MFHAS1: variants seen among roughly 807,000 people sequenced by gnomAD.
MFHAS1 encodes multifunctional ROCO family signaling regulator 1, also known as malignant fibrous histiocytoma-amplified sequence 1.
MFHAS1 carries 50 observed loss-of-function variants against 70.4 expected under a neutral mutation model. That is an observed-to-expected ratio of 0.71 (90% CI 0.57 to 0.90). The LOEUF (loss-of-function observed/expected upper bound fraction) is 0.90. MFHAS1 is among the 40% of genes least tolerant of loss of function. The pLI is 0.00. For missense variants in MFHAS1, 1,795 were observed against 1,347.6 expected (o/e 1.33, Z -5.20); for synonymous variants, 952 against 620.0 (o/e 1.54, Z -7.96).
intron 1 of MFHAS1, among the ~76,000 whole-genome samples, chr8:8,831,001 C>T (rs922708574): frequency 1.3e-5 from 2 of 152,276 alleles, no homozygotes; most frequent in South Asian, 2.1e-4. Flanking sequence ...GTTTAAACTA[C>T]AGAAATGTAG....
At chr8:8,835,420 G>T (rs748249839) in intron 1 of MFHAS1, among the ~76,000 whole-genome samples, 6 of 152,116 alleles carry the variant, frequency 3.9e-5, no homozygotes, top group African/African-American at 1.4e-4. Context: ...AGAGTTACGA[G>T]ATACCCATCA....
Position 8,893,122 on chromosome 8 carries a change from GC to G in MFHAS1, c.-65del, listed in dbSNP as rs1164484593. 1 of 1,223,834 alleles carries G rather than the reference GC, an allele frequency of 8.2e-7. No individual in the cohort carries two copies. Among genetic ancestry groups the G allele is most frequent in the Middle Eastern group, 2.9e-4 (1 of 3,424 alleles). 75.8% of individuals were successfully genotyped at this position (1,223,834 alleles called of 1,614,324 possible). On this transcript the variant is annotated 5_prime_UTR_variant, in exon 1 of 3. Coordinates refer to ENST00000276282, the MANE Select transcript of MFHAS1 (RefSeq NM_004225.3). ...AGCCCGCAGCTACATGCCGCGCCGC[GC>G]CCCGGGCCCTCCGGCTCCTGCCCCT...
intron 1 of MFHAS1, among the ~76,000 whole-genome samples, chr8:8,876,243 T>G (rs751941667): frequency 6.6e-6 from 1 of 152,186 alleles, no homozygotes; most frequent in Non-Finnish European, 1.5e-5. Flanking sequence ...CTAACCACCA[T>G]ATTATAATGC....
intron 1 of MFHAS1, among the ~76,000 whole-genome samples, chr8:8,882,707 G>C (rs1162682784): frequency 6.6e-6 from 1 of 152,230 alleles, no homozygotes; most frequent in African/African-American, 2.4e-5. Context: ...CCCTGTGCCA[G>C]GCATTGCACA....
intron 1 of MFHAS1, among the ~76,000 whole-genome samples, chr8:8,853,715 C>T (rs964588326): frequency 4.6e-5 from 7 of 152,106 alleles, no homozygotes; most frequent in Admixed American, 1.3e-4. Context: ...TACAGCTATG[C>T]GCCACCACTC....
intron 2 of MFHAS1, among the ~76,000 whole-genome samples, chr8:8,789,206 C>G (rs1006141832): frequency 1.3e-5 from 2 of 152,038 alleles, no homozygotes; most frequent in African/African-American, 4.8e-5. Context: ...ATTCATGTCA[C>G]GACACAGATG....
chr8:8,797,451 C>T lies in MFHAS1; in HGVS notation c.3039G>A (p.Glu1013=). The change falls in exon 2 of 3, where the codon GAG becomes GAA. Residue 1013 remains glutamate, a synonymous_variant. Transcript: ENST00000276282. ...LSQPRPEGVA[E]IICPKNGSER... ...CGCTGCCGTTCTTGGGGCAAATGATCTCTGCCACTCCTTCCGGTCTGGGCT... is the reference window on the plus strand; with the variant it reads ...CGCTGCCGTTCTTGGGGCAAATGATTTCTGCCACTCCTTCCGGTCTGGGCT... 3 of 1,614,128 alleles carry T rather than the reference C, an allele frequency of 1.9e-6. No individual in the cohort carries two copies. The highest frequency in any genetic ancestry group is 2.5e-6 in the Non-Finnish European group (3 of 1,180,012).
At chr8:8,878,191 T>C (rs1809369644) in intron 1 of MFHAS1, among the ~76,000 whole-genome samples, 1 of 152,070 alleles carries the variant, frequency 6.6e-6, no homozygotes, top group Non-Finnish European at 1.5e-5. Flanking sequence ...GCCCAGAACT[T>C]AGAATATGAA....
rs150908150 is a variant in MFHAS1, at chr8:8,833,170, T to C, written c.2999-35679A>G. ...GACAACACCACCAAAGGGGGACTGG[T>C]GCTACACCATTAGAGACCACCCCCT... On this transcript the variant is annotated intron_variant, in intron 1 of 2. Transcript: ENST00000276282. 5.2e-3 allele frequency among the ~76,000 whole-genome samples: 796 copies of C among 152,258 alleles called. 5 individuals carry two copies. The highest frequency in any genetic ancestry group is 8.4e-3 in the Non-Finnish European group (571 of 68,018).
At chr8:8,786,158 A>G (rs1180153882) in intron 2 of MFHAS1, 103 bp from the exon 3 acceptor site, 2 of 1,101,076 alleles carry the variant, frequency 1.8e-6, no homozygotes, top group African/African-American at 3.1e-5. Context: ...TATTTTCTGC[A>G]CATATTTTCA....
chr8:8,885,872 G>A (rs376383385), intron 1 of MFHAS1, among the ~76,000 whole-genome samples: 136 of 152,296 alleles, frequency 8.9e-4, no homozygotes, highest in African/African-American at 3.1e-3. Flanking sequence ...ACCATGCCCA[G>A]CTAATTTTTT....
At chr8:8,852,063 G>A (rs1166163615) in intron 1 of MFHAS1, among the ~76,000 whole-genome samples, 3 of 152,126 alleles carry the variant, frequency 2.0e-5, no homozygotes, top group African/African-American at 7.2e-5. Flanking sequence ...GCTTCCATTC[G>A]AAGGAGACCC....
chr8:8,819,125 A>G (rs189521267), intron 1 of MFHAS1, among the ~76,000 whole-genome samples: 3 of 151,164 alleles, frequency 2.0e-5, no homozygotes, highest in African/African-American at 4.8e-5. Flanking sequence ...AGAATCAAAC[A>G]GCTCTCTATA....
At chr8:8,846,242 G>C (rs1243651111) in intron 1 of MFHAS1, among the ~76,000 whole-genome samples, 2 of 114,302 alleles carry the variant, frequency 1.7e-5, no homozygotes, top group Non-Finnish European at 3.5e-5. Flanking sequence ...GACAGAGCGA[G>C]ACTCTGTCTC....
intron 1 of MFHAS1, among the ~76,000 whole-genome samples, chr8:8,862,755 A>G (rs115895995): frequency 0.026 from 3,936 of 152,302 alleles, 175 homozygotes; most frequent in African/African-American, 0.09. Flanking sequence ...ATGTAGGTTC[A>G]TCGATTGTAA....
At chr8:8,864,600 T>A (rs1223961825) in intron 1 of MFHAS1, among the ~76,000 whole-genome samples, 1 of 152,244 alleles carries the variant, frequency 6.6e-6, no homozygotes, top group Non-Finnish European at 1.5e-5. Context: ...ATTTACATCA[T>A]CTTACAGAAC....
At chr8:8,857,519 G>C (rs1808488593) in intron 1 of MFHAS1, among the ~76,000 whole-genome samples, 1 of 152,112 alleles carries the variant, frequency 6.6e-6, no homozygotes, top group South Asian at 2.1e-4. Context: ...AGCACTTTGG[G>C]AGTCCCAGGC....
chr8:8,807,157 C>G (rs956198634), intron 1 of MFHAS1, among the ~76,000 whole-genome samples: 1 of 152,076 alleles, frequency 6.6e-6, no homozygotes, highest in African/African-American at 2.4e-5. Context: ...TTGTGCCTCC[C>G]CAAACCACAA....
intron 1 of MFHAS1, among the ~76,000 whole-genome samples, chr8:8,812,105 G>A (rs1213378302): frequency 6.6e-6 from 1 of 152,216 alleles, no homozygotes; most frequent in Non-Finnish European, 1.5e-5. Context: ...TCCATGTGCG[G>A]CGACTCCAAT....
Sources: allele counts gnomAD v4.1 joint callset (sites outside exome capture counted in the v4.1 genomes callset), GRCh38; gene constraint gnomAD v4.1.1; transcripts MANE v1.5; gene names NCBI Gene and HGNC (gene_info 2026-07-23, HGNC 2026-07-21).